ADAMTS9: variants seen among roughly 807,000 people sequenced by gnomAD.
ADAMTS9 encodes the protein ADAM metallopeptidase with thrombospondin type 1 motif 9.
In ADAMTS9, 107 loss-of-function variants were observed where a neutral mutation model predicts 257.1. That is an observed-to-expected ratio of 0.42 (90% confidence interval 0.36 to 0.49). ADAMTS9 has a LOEUF of 0.49. Ranked by LOEUF, ADAMTS9 falls within the 20% of genes least tolerant of loss-of-function variation. ADAMTS9 has a pLI of 0.03. For missense variants in ADAMTS9, 2,353 were observed against 2,469.1 expected (o/e 0.95, Z 1.00); for synonymous variants, 982 against 880.9 (o/e 1.11, Z -2.03).
At chr3:64,631,582 C>T (rs1211949576) in intron 15 of ADAMTS9, 32 bp from the exon 16 acceptor site, 5 of 1,540,278 alleles carry the variant, frequency 3.2e-6, no homozygotes, top group Admixed American at 1.7e-5. Context: ...TTCAGTACTC[C>T]ACAGAATGGT....
intron 3 of ADAMTS9, among the ~76,000 whole-genome samples, chr3:64,679,977 G>A (rs537495518): frequency 2.6e-5 from 4 of 152,198 alleles, no homozygotes; most frequent in African/African-American, 4.8e-5. Context: ...GAATGCTTTA[G>A]TTATATTCCA....
rs780028608 is a variant in ADAMTS9 at position 64,622,403 on chromosome 3, C to G, written c.2556+17G>C. On this transcript the variant is annotated intron_variant, in intron 17 of 39. Coordinates refer to ENST00000498707, the MANE Select transcript of ADAMTS9 (RefSeq NM_182920.2). ...AAGCAGAAGAAAAGGGTGGTGGGCT[C>G]ATGGTCAAGTTTTTACCTGAAGCAA... The G allele has an allele frequency of 1.2e-6, 2 of 1,613,516 alleles. No homozygotes were observed. The highest frequency in any genetic ancestry group is 1.1e-5 in the South Asian group (1 of 91,070).
At chr3:64,634,829 TAAAAAA>T (rs1700454061) in intron 12 of ADAMTS9, among the ~76,000 whole-genome samples, 1 of 152,180 alleles carries the variant, frequency 6.6e-6, no homozygotes, top group Non-Finnish European at 1.5e-5. Context: ...ATCTGGACTA[TAAAAAA>T]TGGGTTTTTG....
intron 31 of ADAMTS9, chr3:64,550,571 G>T (rs994628539): frequency 3.4e-6 from 1 of 291,460 alleles, no homozygotes; most frequent in Non-Finnish European, 6.5e-6. Flanking sequence ...ATACTTAACT[G>T]TCTTCAGGCA....
intron 6 of ADAMTS9, among the ~76,000 whole-genome samples, 195 bp downstream of exon 6, chr3:64,655,381 C>A (rs1458880929): frequency 6.6e-6 from 1 of 152,166 alleles, no homozygotes; most frequent in African/African-American, 2.4e-5. Context: ...GGGAGTACTA[C>A]TAATACGTAG....
intron 28 of ADAMTS9, among the ~76,000 whole-genome samples, chr3:64,586,068 T>G (rs2106765513): frequency 6.6e-6 from 1 of 152,208 alleles, no homozygotes; most frequent in South Asian, 2.1e-4. Context: ...AACCACTAGC[T>G]TAAAATTCAG....
At position 64,546,967 on chromosome 3, in the gene ADAMTS9, A is replaced by T; in HGVS notation, c.4870-15T>A. 1 of 1,596,738 alleles carries T rather than the reference A, an allele frequency of 6.3e-7. No individual in the cohort carries two copies. ...GTCACTGAGCACTGCAAAGACAGGG[A>T]TTGAGAGGAGAGGTTCGAGCAGTTC... On this transcript the variant is annotated splice_polypyrimidine_tract_variant and intron_variant, in intron 31 of 39. Transcript: ENST00000498707.
At chr3:64,574,086 T>C (rs560306344) in intron 28 of ADAMTS9, among the ~76,000 whole-genome samples, 24 of 152,166 alleles carry the variant, frequency 1.6e-4, no homozygotes, top group Non-Finnish European at 2.1e-4. Flanking sequence ...ATGCCATGTT[T>C]TTGTAAAGGC....
At chr3:64,684,622 A>G (rs113558029) in intron 2 of ADAMTS9, among the ~76,000 whole-genome samples, 7 of 152,256 alleles carry the variant, frequency 4.6e-5, no homozygotes, top group African/African-American at 1.7e-4. Context: ...TTTAAGATGT[A>G]TGAGGGCCCT....
chr3:64,552,894 T>C (rs2083287898), intron 30 of ADAMTS9, among the ~76,000 whole-genome samples: 1 of 152,180 alleles, frequency 6.6e-6, no homozygotes, highest in Non-Finnish European at 1.5e-5. Flanking sequence ...TTTAGTCTCT[T>C]TACGGAGAAC....
At chr3:64,558,835 C>A (rs941349006) in intron 30 of ADAMTS9, among the ~76,000 whole-genome samples, 3 of 152,102 alleles carry the variant, frequency 2.0e-5, no homozygotes, top group South Asian at 4.1e-4. Flanking sequence ...ATGGGGGGCT[C>A]CTGCACATCC....
chr3:64,654,729 A>T lies in ADAMTS9; in HGVS notation c.1170-117T>A, dbSNP rs574954648. On this transcript the variant is annotated intron_variant, in intron 6 of 39. Coordinates refer to ENST00000498707, the MANE Select transcript of ADAMTS9 (RefSeq NM_182920.2). ...GTACACACTTTGGGGTGGGGGTTAA[A>T]AAAAGCAAATTCATAAGACCAGAGT... 711 of 1,140,094 alleles carry T rather than the reference A, an allele frequency of 6.2e-4. 13 individuals carry two copies. In the South Asian group the frequency reaches 0.01, roughly 16 times the overall value. The allele number at this position is 1,140,094 out of a possible 1,614,324, so 70.6% of individuals were successfully genotyped here. A position where few individuals can be genotyped will look rare whatever the true frequency, so the allele number is the denominator to read the frequency against.
At chr3:64,618,345 A>G (rs1700017786) in intron 19 of ADAMTS9, among the ~76,000 whole-genome samples, 1 of 152,230 alleles carries the variant, frequency 6.6e-6, no homozygotes, top group Non-Finnish European at 1.5e-5. Context: ...TAGAGTACAT[A>G]TAAAAGTTAA....
At chr3:64,579,094 G>A (rs905471757) in intron 28 of ADAMTS9, among the ~76,000 whole-genome samples, 11 of 152,028 alleles carry the variant, frequency 7.2e-5, no homozygotes, top group Non-Finnish European at 1.6e-4. Context: ...CGTCCAATAG[G>A]CTAACCCTCC....
chr3:64,635,987 T>C (rs1700485401), intron 12 of ADAMTS9, among the ~76,000 whole-genome samples: 1 of 152,198 alleles, frequency 6.6e-6, no homozygotes, highest in Non-Finnish European at 1.5e-5. Flanking sequence ...TCTGGAATCT[T>C]TTTAGATGTC....
chr3:64,561,577 C>T lies in ADAMTS9; in HGVS notation c.4698+1G>A, dbSNP rs764341290. 4.3e-6 allele frequency: 7 copies of T among 1,612,118 alleles called. No individual in the cohort carries two copies. Among genetic ancestry groups the T allele is most frequent in the South Asian group, 1.1e-5 (1 of 90,708 alleles). ...AGGTACCCCTTTGTGGCTCTACTTA[C>T]TTCTTGCCATTCCTCTGCCCTCCAA... is the stretch of plus-strand genomic sequence containing the variant. On this transcript the variant is annotated splice_donor_variant, in intron 30 of 39. Coordinates refer to ENST00000498707, the MANE Select transcript of ADAMTS9 (RefSeq NM_182920.2). LOFTEE classifies it high-confidence loss of function.
chr3:64,585,469 A>G (rs2106762800), intron 28 of ADAMTS9, among the ~76,000 whole-genome samples: 1 of 152,312 alleles, frequency 6.6e-6, no homozygotes, highest in South Asian at 2.1e-4. Flanking sequence ...TTCAGCTCCT[A>G]TAGCTTAATT....
intron 3 of ADAMTS9, among the ~76,000 whole-genome samples, chr3:64,679,988 T>C (rs1701713752): frequency 6.6e-6 from 1 of 152,222 alleles, no homozygotes; most frequent in Non-Finnish European, 1.5e-5. Context: ...TTATATTCCA[T>C]CTTGTTATGG....
At chr3:64,589,073 A>T (rs1362397795) in intron 28 of ADAMTS9, 2 of 152,236 alleles carry the variant, frequency 1.3e-5, no homozygotes, top group Admixed American at 6.5e-5. Flanking sequence ...ATTTATAAAA[A>T]ATACATATGC....
Sources: allele counts gnomAD v4.1 joint callset (sites outside exome capture counted in the v4.1 genomes callset), GRCh38; gene constraint gnomAD v4.1.1; transcripts MANE v1.5; gene names NCBI Gene and HGNC (gene_info 2026-07-23, HGNC 2026-07-21).